The following ADAMTSL1 variants were observed in gnomAD, a reference collection of about 807,000 sequenced individuals.
The protein encoded by ADAMTSL1 is ADAMTS like 1.
In ADAMTSL1, 126 loss-of-function variants were observed where a neutral mutation model predicts 201.8. That is an observed-to-expected ratio of 0.62 (90% CI 0.54 to 0.72). The LOEUF (loss-of-function observed/expected upper bound fraction) is 0.72. Among genes scored for constraint, ADAMTSL1 ranks in the 30% least tolerant of loss-of-function variants. ADAMTSL1 has a pLI of 0.00. For synonymous variants in ADAMTSL1, 1,121 were observed against 903.4 expected, an observed-to-expected ratio of 1.24 and a Z score of -4.32; for missense variants, 2,679 against 2,277.8, an observed-to-expected ratio of 1.18 and a Z score of -3.59.
At chr9:18,518,801 C>T (rs531123590) in intron 2 of ADAMTSL1, among the ~76,000 whole-genome samples, 3 of 152,136 alleles carry the variant, frequency 2.0e-5, no homozygotes, top group Non-Finnish European at 4.4e-5. Context: ...CTCTGCCCCC[C>T]GGATTCAAGC....
rs116907197 is a variant in ADAMTSL1, at chr9:18,701,177, A to G, written c.1575-5570A>G. 8.4e-3 allele frequency among the ~76,000 whole-genome samples: 1,280 copies of G among 151,882 alleles called. 11 individuals carry two copies. Among genetic ancestry groups the G allele is most frequent in the Non-Finnish European group, 0.015 (1,037 of 67,936 alleles). ...AGACAACCTAGGAAGAATGCACTTA[A>G]CAGAGTTATCCAGTAATCAGTAATC... On this transcript the variant is annotated intron_variant, in intron 13 of 28. Coordinates refer to ENST00000380548, the MANE Select transcript of ADAMTSL1 (RefSeq NM_001040272.6).
At position 18,622,310 on chromosome 9, in the gene ADAMTSL1, A is replaced by G; in HGVS notation, c.542A>G (p.Asp181Gly). 2 of 1,614,028 alleles carry G rather than the reference A, an allele frequency of 1.2e-6. No homozygotes were observed. Among genetic ancestry groups the G allele is most frequent in the Non-Finnish European group, 1.7e-6 (2 of 1,179,948 alleles). ...GATAACTGTGGGGTCTGCAACGGAG[A>G]TGGGTCCACCTGCCGGCTGGTCCGA... is the stretch of plus-strand genomic sequence containing the variant. ...KEDNCGVCNG[D>G]GSTCRLVRGQ... Residue 181 changes from aspartate to glycine, a missense_variant, in exon 5 of 29, where the codon GAT (aspartate) becomes GGT (glycine). By Grantham distance (94) the Asp-to-Gly change is moderately conservative (BLOSUM62 -1). Coordinates refer to ENST00000380548, the MANE Select transcript of ADAMTSL1 (RefSeq NM_001040272.6).
intron 1 of ADAMTSL1, among the ~76,000 whole-genome samples, chr9:18,111,887 C>G (rs77084926): frequency 0.028 from 4,310 of 152,188 alleles, 199 homozygotes; most frequent in African/African-American, 0.095. Context: ...TGCATCTCTT[C>G]AAATGGGATT....
chr9:18,104,716 G>A (rs983800993), intron 1 of ADAMTSL1, among the ~76,000 whole-genome samples: 2 of 152,106 alleles, frequency 1.3e-5, no homozygotes, highest in Admixed American at 1.3e-4. Flanking sequence ...TAACAAAACT[G>A]CATTTGTACC....
At chr9:18,183,657 C>A (rs970315064) in intron 2 of ADAMTSL1, among the ~76,000 whole-genome samples, 2 of 152,080 alleles carry the variant, frequency 1.3e-5, no homozygotes, top group African/African-American at 4.8e-5. Context: ...CAAATTAAAA[C>A]AACAGTGAGA....
At chr9:18,009,083 G>A (rs556380925) in intron 1 of ADAMTSL1, among the ~76,000 whole-genome samples, 1 of 151,930 alleles carries the variant, frequency 6.6e-6, no homozygotes, top group Non-Finnish European at 1.5e-5. Flanking sequence ...TGTCATTATT[G>A]TGTCATTCAT....
intron 25 of ADAMTSL1, chr9:18,890,723 C>A (rs1431156335): frequency 2.5e-5 from 9 of 362,038 alleles, no homozygotes; most frequent in Non-Finnish European, 3.9e-5. Flanking sequence ...TTTCTCAAAC[C>A]CCCCCCACCC....
At chr9:18,652,556 C>CT (rs1269253150) in intron 7 of ADAMTSL1, among the ~76,000 whole-genome samples, 2 of 152,072 alleles carry the variant, frequency 1.3e-5, no homozygotes, top group African/African-American at 2.4e-5. Flanking sequence ...TACAACCATT[C>CT]TTTTTTTCAC....
Position 18,524,795 on chromosome 9 carries a change from T to C in ADAMTSL1, c.192-8452T>C, listed in dbSNP as rs539814187. Among the ~76,000 whole-genome samples the C allele has an allele frequency of 3.3e-5, 5 of 152,316 alleles. No individual in the cohort carries two copies. In the East Asian group the frequency reaches 9.7e-4, roughly 29 times the overall value. ...CTTGAATCCCAGGGATGAAGCCCAC[T>C]TGATCATGGTGGACAAGCTTTTTGA... is the stretch of plus-strand genomic sequence containing the variant. On this transcript the variant is annotated intron_variant, in intron 2 of 28. Transcript: ENST00000380548.
At chr9:18,685,596 C>G (rs1830780656) in intron 13 of ADAMTSL1, among the ~76,000 whole-genome samples, 2 of 152,190 alleles carry the variant, frequency 1.3e-5, no homozygotes, top group African/African-American at 4.8e-5. Flanking sequence ...AAGCTCTGTG[C>G]TATTCACTGG....
chr9:18,757,185 T>A (rs1819820227), intron 16 of ADAMTSL1, among the ~76,000 whole-genome samples: 1 of 152,252 alleles, frequency 6.6e-6, no homozygotes, highest in Non-Finnish European at 1.5e-5. Context: ...TCCTTACCAA[T>A]TTATTAATAG....
At chr9:18,648,730 G>C (rs750730741) in intron 7 of ADAMTSL1, among the ~76,000 whole-genome samples, 46 of 152,038 alleles carry the variant, frequency 3.0e-4, no homozygotes, top group Non-Finnish European at 5.7e-4. Context: ...CTGTCTTCTG[G>C]CTTGTAGAGT....
chr9:18,015,310 A>G (rs1820212710), intron 1 of ADAMTSL1, among the ~76,000 whole-genome samples: 1 of 152,070 alleles, frequency 6.6e-6, no homozygotes, highest in Non-Finnish European at 1.5e-5. Flanking sequence ...GGAAGTTTCT[A>G]AAGGAAAGCA....
At chr9:18,633,419 G>T (rs145895814) in intron 5 of ADAMTSL1, among the ~76,000 whole-genome samples, 1 of 152,056 alleles carries the variant, frequency 6.6e-6, no homozygotes, top group Non-Finnish European at 1.5e-5. Context: ...GTGAAACCCC[G>T]TCTCTACTAA....
intron 1 of ADAMTSL1, among the ~76,000 whole-genome samples, chr9:18,011,851 A>G (rs549279521): frequency 2.6e-4 from 40 of 152,080 alleles, no homozygotes; most frequent in African/African-American, 5.1e-4. Flanking sequence ...AATACAACCC[A>G]TGAGTTGCCT....
intron 1 of ADAMTSL1, among the ~76,000 whole-genome samples, chr9:18,121,317 G>T (rs1039859650): frequency 6.6e-6 from 1 of 152,112 alleles, no homozygotes; most frequent in African/African-American, 2.4e-5. Context: ...TACCATGACA[G>T]TTACACCGAC....
chr9:18,142,497 C>T (rs1392669182), intron 1 of ADAMTSL1, among the ~76,000 whole-genome samples: 4 of 152,214 alleles, frequency 2.6e-5, no homozygotes, highest in African/African-American at 9.6e-5. Flanking sequence ...GGCACCCCCT[C>T]ACCTAATTCT....
At chr9:18,680,728 A>G (rs977988232) in intron 11 of ADAMTSL1, 5 of 571,686 alleles carry the variant, frequency 8.7e-6, no homozygotes, top group Non-Finnish European at 1.5e-5. Context: ...AAGTTTCTTC[A>G]AGAAGCCTCT....
intron 2 of ADAMTSL1, among the ~76,000 whole-genome samples, chr9:18,319,877 G>A (rs763406413): frequency 6.6e-6 from 1 of 152,178 alleles, no homozygotes; most frequent in Non-Finnish European, 1.5e-5. Context: ...TGGAGAAGGG[G>A]AGGTTATTCT....
Sources: allele counts gnomAD v4.1 joint callset (sites outside exome capture counted in the v4.1 genomes callset), GRCh38; gene constraint gnomAD v4.1.1; transcripts MANE v1.5; gene names NCBI Gene and HGNC (gene_info 2026-07-23, HGNC 2026-07-21).